Variants in KDM4C observed in about 807,000 individuals in gnomAD.
KDM4C encodes lysine demethylase 4C, also known as lysine-specific demethylase 4C.
In KDM4C, 81 loss-of-function variants were observed where a neutral mutation model predicts 129.3. The ratio of observed to expected loss-of-function variants is 0.63; its 90% CI spans 0.52 to 0.75. KDM4C has a LOEUF of 0.75. Among genes scored for constraint, KDM4C ranks in the 30% least tolerant of loss-of-function variants. KDM4C has a pLI of 0.00. For missense variants in KDM4C, 1,457 were observed against 1,304.0 expected, an observed-to-expected ratio of 1.12 and a Z score of -1.81; for synonymous variants, 573 against 456.1, an observed-to-expected ratio of 1.26 and a Z score of -3.26.
upstream of KDM4C, among the ~76,000 whole-genome samples, chr9:6,754,617 G>A (rs1052357665): frequency 1.2e-4 from 19 of 152,142 alleles, no homozygotes; most frequent in Non-Finnish European, 2.8e-4. Context: ...GCTCACTCCT[G>A]TATTCTCACC....
chr9:6,767,195 G>T (rs944212757), intron 1 of KDM4C, among the ~76,000 whole-genome samples: 2 of 151,850 alleles, frequency 1.3e-5, no homozygotes, highest in African/African-American at 4.8e-5. Flanking sequence ...CTGGAGTGCA[G>T]TGGCACGATC....
At chr9:7,130,460 C>G (rs1336410694) in intron 19 of KDM4C, among the ~76,000 whole-genome samples, 2 of 152,194 alleles carry the variant, frequency 1.3e-5, no homozygotes, top group Non-Finnish European at 2.9e-5. Context: ...TGAACCAGAA[C>G]AAATATGATT....
In KDM4C at chr9:6,732,301, G is replaced by C. The variant is rs542766824; in HGVS notation, c.49+11304G>C. On this transcript the variant is annotated intron_variant, in intron 1 of 17. Transcript: ENST00000536108. ...AATCGCTGGAACCCGGGAAGCGGAGGTTGCAGTGAGCTGAGATCATGCCAC... is the reference window on the plus strand; with the variant it reads ...AATCGCTGGAACCCGGGAAGCGGAGCTTGCAGTGAGCTGAGATCATGCCAC... 8.4e-5 allele frequency among the ~76,000 whole-genome samples: 12 copies of C among 143,162 alleles called. No individual in the cohort carries two copies. The East Asian group carries it at 2.7e-3, about 32-fold the overall frequency. 93.9% of individuals were successfully genotyped at this position (143,162 alleles called of 152,430 possible).
At chr9:7,156,988 T>C (rs556078977) in intron 19 of KDM4C, among the ~76,000 whole-genome samples, 35 of 152,246 alleles carry the variant, frequency 2.3e-4, no homozygotes, top group Non-Finnish European at 4.6e-4. Context: ...TCCATGAGCA[T>C]GGAATGTTCT....
chr9:6,959,720 T>G (rs1429791485), intron 8 of KDM4C, among the ~76,000 whole-genome samples: 2 of 152,174 alleles, frequency 1.3e-5, no homozygotes, highest in Non-Finnish European at 1.5e-5. Context: ...AATTGTAGTC[T>G]AGTTAGGCTA....
intron 17 of KDM4C, among the ~76,000 whole-genome samples, chr9:7,069,119 A>G (rs954892654): frequency 3.3e-5 from 5 of 152,216 alleles, no homozygotes; most frequent in Non-Finnish European, 5.9e-5. Context: ...AGTAAGATTC[A>G]GCATAGAGTA....
intron 17 of KDM4C, among the ~76,000 whole-genome samples, chr9:7,081,660 C>A (rs1246737335): frequency 6.6e-6 from 1 of 152,284 alleles, no homozygotes; most frequent in South Asian, 2.1e-4. Context: ...AAACACCTCA[C>A]GAGCCCAGAG....
chr9:6,854,210 C>G lies in KDM4C; in HGVS notation c.629+4510C>G, dbSNP rs573033703. On this transcript the variant is annotated intron_variant, in intron 5 of 21. Transcript: ENST00000381309. ...AGATGGTATCTTGAGTCTTTCTTTC[C>G]CAGACTGGGTACAAACAAAATGAAT... Among the ~76,000 whole-genome samples, 67 of 152,134 alleles carry G rather than the reference C, an allele frequency of 4.4e-4. 1 individual carries two copies. Among genetic ancestry groups the G allele is most frequent in the South Asian group, 1.0e-3 (5 of 4,824 alleles).
chr9:6,898,039 C>T (rs922394885), intron 8 of KDM4C, among the ~76,000 whole-genome samples: 1 of 152,082 alleles, frequency 6.6e-6, no homozygotes, highest in Non-Finnish European at 1.5e-5. Flanking sequence ...TGGATCAAAG[C>T]GCCGGCCGGC....
intron 20 of KDM4C, 49 bp from the exon 21 acceptor site, chr9:7,169,749 G>C (rs747518603): frequency 7.0e-7 from 1 of 1,435,304 alleles, no homozygotes; most frequent in Non-Finnish European, 9.6e-7. Flanking sequence ...TTTAAAAATG[G>C]TCAGTGCTGT....
At chr9:7,048,954 A>G (rs963466207) in intron 16 of KDM4C, 138 bp from the exon 17 acceptor site, 14 of 593,042 alleles carry the variant, frequency 2.4e-5, no homozygotes, top group Non-Finnish European at 3.9e-5. Context: ...TACAGTTCAG[A>G]ATCTGTTTGT....
chr9:6,927,519 TTGA>T (rs960016495), intron 8 of KDM4C, among the ~76,000 whole-genome samples: 10 of 152,196 alleles, frequency 6.6e-5, no homozygotes, highest in African/African-American at 2.4e-4. Flanking sequence ...GATAATGGAA[TTGA>T]TAATAAGTGA....
intron 8 of KDM4C, among the ~76,000 whole-genome samples, chr9:6,929,766 T>C (rs1177835652): frequency 6.6e-6 from 1 of 152,126 alleles, no homozygotes; most frequent in African/African-American, 2.4e-5. Flanking sequence ...AAGGATACTT[T>C]TGTGGGTGCC....
chr9:7,115,383 A>G (rs1302533105), intron 18 of KDM4C, among the ~76,000 whole-genome samples: 4 of 152,150 alleles, frequency 2.6e-5, no homozygotes, highest in African/African-American at 9.6e-5. Flanking sequence ...TAAGAAAATT[A>G]AGTAGTGACA....
intron 1 of KDM4C, among the ~76,000 whole-genome samples, chr9:6,770,767 CTTT>C (rs753670348): frequency 1.2e-5 from 1 of 81,760 alleles, no homozygotes; most frequent in African/African-American, 4.9e-5. Context: ...GATTTTGATC[CTTT>C]TTTTTTTTTT....
chr9:6,853,837 A>G (rs1839282865), intron 5 of KDM4C, among the ~76,000 whole-genome samples: 1 of 152,162 alleles, frequency 6.6e-6, no homozygotes, highest in Non-Finnish European at 1.5e-5. Context: ...CTTACTGGGA[A>G]TGACTTAGGG....
chr9:6,947,571 ATT>A (rs1426370502), intron 8 of KDM4C, among the ~76,000 whole-genome samples: 1 of 151,694 alleles, frequency 6.6e-6, no homozygotes, highest in Non-Finnish European at 1.5e-5. Flanking sequence ...AAATTTTATA[ATT>A]TTTTTGTAAA....
At chr9:6,830,958 T>C (rs1393218594) in intron 4 of KDM4C, among the ~76,000 whole-genome samples, 1 of 152,222 alleles carries the variant, frequency 6.6e-6, no homozygotes, top group Non-Finnish European at 1.5e-5. Flanking sequence ...AGAACAGGTA[T>C]ATTCTTTATT....
At chr9:6,973,754 C>T (rs779182093) in intron 8 of KDM4C, 6 of 152,268 alleles carry the variant, frequency 3.9e-5, no homozygotes, top group East Asian at 1.9e-4. Context: ...AATCCTCATC[C>T]CTTCCCTTCT....
Sources: gnomAD v4.1 joint callset for allele counts (sites outside exome capture counted in the v4.1 genomes callset) on GRCh38, gnomAD v4.1.1 for gene constraint, MANE v1.5 for transcripts, NCBI Gene and HGNC (gene_info 2026-07-23, HGNC 2026-07-21) for gene names.